Variants in DTWD1 observed in about 807,000 individuals in gnomAD.
The protein encoded by DTWD1 is tRNA-uridine aminocarboxypropyltransferase 1.
A neutral mutation model predicts 30.2 loss-of-function variants in DTWD1; 27 were observed. The observed-to-expected ratio is 0.90, with a 90% CI of 0.66 to 1.23. The LOEUF (loss-of-function observed/expected upper bound fraction) is 1.23. DTWD1 is among the 50% of genes most tolerant of loss of function. The pLI is 0.00. For missense variants in DTWD1, 342 were observed against 348.8 expected (o/e 0.98, Z 0.15); for synonymous variants, 99 against 113.1 (o/e 0.88, Z 0.79).
rs950085926 is a variant in DTWD1, at chr15:49,650,366, T to G, written c.*6788T>G. 1 of 152,066 alleles carries G rather than the reference T, an allele frequency of 6.6e-6. No homozygotes were observed. Among genetic ancestry groups the G allele is most frequent in the Non-Finnish European group, 1.5e-5 (1 of 68,016 alleles). The allele number at this position is 152,066 out of a possible 1,614,324, so 9.4% of individuals were successfully genotyped here. ...AAATAGACTGCAAGAGAGTAAGAAATAAAATAGGAAGATCAATTAGAATGC... is the reference window on the plus strand; with the variant it reads ...AAATAGACTGCAAGAGAGTAAGAAAGAAAATAGGAAGATCAATTAGAATGC... On this transcript the variant is annotated 3_prime_UTR_variant, in exon 5 of 5. Coordinates refer to ENST00000403028, the MANE Select transcript of DTWD1 (RefSeq NM_001144955.2).
At chr15:49,640,500 A>T (rs2153353877) in intron 4 of DTWD1, among the ~76,000 whole-genome samples, 1 of 152,254 alleles carries the variant, frequency 6.6e-6, no homozygotes, top group African/African-American at 2.4e-5. Flanking sequence ...CCTTTACAGG[A>T]TAATGCCAAA....
chr15:49,636,588 C>T (rs539347536), intron 4 of DTWD1, among the ~76,000 whole-genome samples: 2 of 152,184 alleles, frequency 1.3e-5, no homozygotes, highest in East Asian at 3.9e-4. Context: ...GTGAAGAGGA[C>T]AGGTCAATTG....
chr15:49,641,267 C>CT (rs1161617188), intron 4 of DTWD1, among the ~76,000 whole-genome samples: 15 of 151,438 alleles, frequency 9.9e-5, no homozygotes, highest in African/African-American at 1.5e-4. Context: ...ATTTTTGTTT[C>CT]TTTTTTTGAT....
chr15:49,652,396 G>C lies in DTWD1; in HGVS notation c.*8818G>C, dbSNP rs900480615. 1.4e-4 allele frequency: 21 copies of C among 152,114 alleles called. No individual in the cohort carries two copies. Among genetic ancestry groups the C allele is most frequent in the African/African-American group, 5.1e-4 (21 of 41,436 alleles). 9.4% of individuals were successfully genotyped at this position (152,114 alleles called of 1,614,324 possible). A position where few individuals can be genotyped will look rare whatever the true frequency, so the allele number is the denominator to read the frequency against. ...AATCTGGGCAGAAGTAATAAATGTG[G>C]TGCCCAAGTGATAAACCTACCAAAT... is the stretch of plus-strand genomic sequence containing the variant. On this transcript the variant is annotated 3_prime_UTR_variant, in exon 5 of 5. Transcript: ENST00000403028.
At chr15:49,629,920 T>C (rs1410582928) in intron 2 of DTWD1, 3 of 152,166 alleles carry the variant, frequency 2.0e-5, no homozygotes, top group East Asian at 1.9e-4. Flanking sequence ...CAGGGGTGTA[T>C]TATTTATACT....
intron 2 of DTWD1, among the ~76,000 whole-genome samples, chr15:49,631,579 A>G (rs981612632): frequency 6.6e-6 from 1 of 152,124 alleles, no homozygotes; most frequent in African/African-American, 2.4e-5. Flanking sequence ...CCTGGCCAAC[A>G]TGGTGAAAAC....
rs2079147139 is a variant in DTWD1 at position 49,650,581 on chromosome 15, A to G, written c.*7003A>G. 1 of 152,186 alleles carries G rather than the reference A, an allele frequency of 6.6e-6. No individual in the cohort carries two copies. The highest frequency in any genetic ancestry group is 1.5e-5 in the Non-Finnish European group (1 of 68,036). 9.4% of individuals were successfully genotyped at this position (152,186 alleles called of 1,614,324 possible). A position where few individuals can be genotyped will look rare whatever the true frequency, so the allele number is the denominator to read the frequency against. On this transcript the variant is annotated 3_prime_UTR_variant, in exon 5 of 5. Coordinates refer to ENST00000403028, the MANE Select transcript of DTWD1 (RefSeq NM_001144955.2). ...CCCTTCTAGGAAGGACTTGCTAATTAGCTGCAGGGAGTGTGAAGAACAGAA... is the reference window on the plus strand; with the variant it reads ...CCCTTCTAGGAAGGACTTGCTAATTGGCTGCAGGGAGTGTGAAGAACAGAA...
In DTWD1 at chr15:49,653,461, G is replaced by A. The variant is rs974566946; in HGVS notation, c.*9883G>A. ...TTAGATCAGTGAGATTTTTGTGTTG[G>A]ACTTCTACAGAACTATATAAGAATA... On this transcript the variant is annotated 3_prime_UTR_variant, in exon 5 of 5. Transcript: ENST00000403028. The A allele has an allele frequency of 6.6e-6, 1 of 152,120 alleles. No individual in the cohort carries two copies. Among genetic ancestry groups the A allele is most frequent in the African/African-American group, 2.4e-5 (1 of 41,436 alleles). The allele number at this position is 152,120 out of a possible 1,614,324, so 9.4% of individuals were successfully genotyped here. A position where few individuals can be genotyped will look rare whatever the true frequency, so the allele number is the denominator to read the frequency against.
At chr15:49,631,693 G>A (rs1417677764) in intron 2 of DTWD1, among the ~76,000 whole-genome samples, 3 of 151,330 alleles carry the variant, frequency 2.0e-5, no homozygotes, top group East Asian at 3.9e-4. Flanking sequence ...CCCAGGAGAC[G>A]GAGGTTGCAG....
intron 2 of DTWD1, among the ~76,000 whole-genome samples, chr15:49,630,405 G>A (rs898234187): frequency 1.3e-5 from 2 of 152,188 alleles, no homozygotes; most frequent in Admixed American, 6.5e-5. Context: ...TTTAGCATGG[G>A]ATGGGAACTT....
At chr15:49,634,899 C>T (rs2078981010) in intron 4 of DTWD1, 105 bp downstream of exon 4, 1 of 1,019,416 alleles carries the variant, frequency 9.8e-7, no homozygotes, top group Non-Finnish European at 1.4e-6. Context: ...AATACCTATA[C>T]ATTTTGCCAT....
chr15:49,632,505 C>CT (rs1342001708), intron 3 of DTWD1, among the ~76,000 whole-genome samples: 2 of 152,132 alleles, frequency 1.3e-5, no homozygotes, highest in African/African-American at 4.8e-5. Context: ...GTTTTTGAGT[C>CT]TTTCTGCATT....
intron 2 of DTWD1, chr15:49,630,806 T>G (rs2078909484): frequency 5.6e-6 from 1 of 177,158 alleles, no homozygotes; most frequent in South Asian, 9.6e-5. Flanking sequence ...CAAGCGAAGC[T>G]TCCGTCTGTA....
Position 49,655,828 on chromosome 15 carries a change from T to C in DTWD1, c.*12250T>C, listed in dbSNP as rs1421929317. 3 of 152,080 alleles carry C rather than the reference T, an allele frequency of 2.0e-5. No homozygotes were observed. Among genetic ancestry groups the C allele is most frequent in the Non-Finnish European group, 2.9e-5 (2 of 67,992 alleles). The allele number at this position is 152,080 out of a possible 1,614,324, so 9.4% of individuals were successfully genotyped here. ...GTTGGGAATAGAAAACAGTAGAGAA[T>C]ACTTCAAGAGTATTCTAGGTATGCA... On this transcript the variant is annotated 3_prime_UTR_variant, in exon 5 of 5. Coordinates refer to ENST00000403028, the MANE Select transcript of DTWD1 (RefSeq NM_001144955.2).
intron 2 of DTWD1, chr15:49,630,038 C>A (rs948533051): frequency 1.3e-5 from 2 of 152,154 alleles, no homozygotes; most frequent in African/African-American, 2.4e-5. Flanking sequence ...CACACACACA[C>A]ACAACATGGA....
chr15:49,631,781 A>G (rs762514818), intron 2 of DTWD1, among the ~76,000 whole-genome samples: 5 of 152,188 alleles, frequency 3.3e-5, no homozygotes, highest in Non-Finnish European at 5.9e-5. Flanking sequence ...AATAAAAATA[A>G]AATAAAATGG....
chr15:49,630,971 G>A, intron 2 of DTWD1: 1 of 447,156 alleles, frequency 2.2e-6, no homozygotes, highest in Non-Finnish European at 4.5e-6. Flanking sequence ...TCCAATGCCT[G>A]AAGATCTGTC....
chr15:49,624,376 C>A (rs1364402070), intron 1 of DTWD1, among the ~76,000 whole-genome samples: 2 of 152,132 alleles, frequency 1.3e-5, no homozygotes, highest in Non-Finnish European at 2.9e-5. Context: ...ACAGGGTATA[C>A]AGATAGCAAT....
At chr15:49,625,861 CA>C (rs1223243776) in intron 2 of DTWD1, among the ~76,000 whole-genome samples, 1 of 151,914 alleles carries the variant, frequency 6.6e-6, no homozygotes, top group Non-Finnish European at 1.5e-5. Flanking sequence ...CATGTTTGGC[CA>C]TGTCAGGGCA....
Sources: allele counts gnomAD v4.1 joint callset (sites outside exome capture counted in the v4.1 genomes callset), GRCh38; gene constraint gnomAD v4.1.1; transcripts MANE v1.5; gene names NCBI Gene and HGNC (gene_info 2026-07-23, HGNC 2026-07-21).